The following NAA16 variants were observed in gnomAD, a reference collection of about 807,000 sequenced individuals.
NAA16 encodes N-alpha-acetyltransferase 16, NatA auxiliary subunit.
In NAA16, 97 loss-of-function variants were observed where a neutral mutation model predicts 110.3. The observed-to-expected ratio is 0.88, with a 90% CI of 0.75 to 1.04. The LOEUF is 1.04. Ranked by LOEUF, NAA16 falls within the 50% of genes least tolerant of loss-of-function variation. The pLI, the probability that NAA16 is intolerant of heterozygous loss-of-function variation, is 0.00. For missense variants in NAA16, 1,017 were observed against 1,005.1 expected, an observed-to-expected ratio of 1.01 and a Z score of -0.16; for synonymous variants, 372 against 330.6, an observed-to-expected ratio of 1.13 and a Z score of -1.36.
intron 10 of NAA16, among the ~76,000 whole-genome samples, chr13:41,356,072 T>A (rs755697534): frequency 6.6e-6 from 1 of 152,222 alleles, no homozygotes; most frequent in Non-Finnish European, 1.5e-5. Flanking sequence ...GCTGAACTTC[T>A]GGGCTCAAGT....
chr13:41,311,440 A>G lies in NAA16; in HGVS notation c.-89A>G. ...CATCGCCCGCAGCCCGACTCTCAGC[A>G]GCGGTTCGTCCCGGTGCCCACCCCC... is the stretch of plus-strand genomic sequence containing the variant. On this transcript the variant is annotated 5_prime_UTR_variant, in exon 1 of 20. Transcript: ENST00000379406. The G allele has an allele frequency of 7.9e-7, 1 of 1,271,734 alleles. No homozygotes were observed. Among genetic ancestry groups the G allele is most frequent in the Non-Finnish European group, 1.1e-6 (1 of 898,562 alleles). The allele number at this position is 1,271,734 out of a possible 1,614,324, so 78.8% of individuals were successfully genotyped here.
At chr13:41,373,567 T>G in intron 17 of NAA16, 70 bp from the exon 18 acceptor site, 1 of 1,480,242 alleles carries the variant, frequency 6.8e-7, no homozygotes, top group South Asian at 1.4e-5. Context: ...CATAAAGGGT[T>G]TTCAGTAGGT....
At chr13:41,320,428 CAG>C (rs1026212950) in intron 3 of NAA16, among the ~76,000 whole-genome samples, 39 of 152,202 alleles carry the variant, frequency 2.6e-4, no homozygotes, top group African/African-American at 8.9e-4. Flanking sequence ...GTAGAGAGAA[CAG>C]AATAATGACC....
chr13:41,345,348 A>G (rs1027632658), intron 9 of NAA16, among the ~76,000 whole-genome samples: 6 of 152,116 alleles, frequency 3.9e-5, no homozygotes, highest in African/African-American at 1.4e-4. Flanking sequence ...CCTCATTAAC[A>G]CTTGTTATTA....
At chr13:41,372,686 CTG>C (rs2043346071) in intron 16 of NAA16, 44 bp from the exon 17 acceptor site, 1 of 1,485,958 alleles carries the variant, frequency 6.7e-7, no homozygotes, top group African/African-American at 1.4e-5. Flanking sequence ...GAGGAAAATA[CTG>C]TGTAAGTATT....
At chr13:41,355,642 C>T (rs2042962710) in intron 10 of NAA16, among the ~76,000 whole-genome samples, 1 of 152,096 alleles carries the variant, frequency 6.6e-6, no homozygotes, top group Non-Finnish European at 1.5e-5. Flanking sequence ...GTTGGCCAGG[C>T]TGGTCTCGAA....
At chr13:41,356,323 T>C (rs1023920051) in intron 10 of NAA16, among the ~76,000 whole-genome samples, 84 of 152,328 alleles carry the variant, frequency 5.5e-4, no homozygotes, top group Admixed American at 1.7e-3. Context: ...TGCCACACCC[T>C]CTATGAGTTT....
intron 1 of NAA16, among the ~76,000 whole-genome samples, chr13:41,316,402 G>A (rs187507930): frequency 1.5e-4 from 22 of 151,166 alleles, no homozygotes; most frequent in Admixed American, 7.3e-4. Context: ...TGCCTCCTGC[G>A]TTCAAGCGAT....
At position 41,355,882 on chromosome 13, in the gene NAA16, C is replaced by G. The variant is rs142372349; in HGVS notation, c.1087+666C>G. 6.5e-4 allele frequency among the ~76,000 whole-genome samples: 99 copies of G among 152,294 alleles called. 1 individual carries two copies. The highest frequency in any genetic ancestry group is 2.1e-3 in the African/African-American group (87 of 41,576). ...TACTTTTAATCCTCTTTAGTTTGGT[C>G]CTTTGTTTCTATATTTGTAGGAGCA... On this transcript the variant is annotated intron_variant, in intron 10 of 19. Transcript: ENST00000379406.
rs2041922415 is a variant in NAA16 at position 41,320,673 on chromosome 13, A to G, written c.251A>G (p.His84Arg). ...RNDVKSHVCW[H>R]VYGLLQRSDK... ...TGTTTCCTTAACTTAATAGGTTGGC[A>G]TGTATATGGACTCTTGCAGCGTTCT... Residue 84 changes from histidine (H) to arginine (R), a missense_variant, in exon 4 of 20, where the codon CAT becomes CGT. Coordinates refer to ENST00000379406, the MANE Select transcript of NAA16 (RefSeq NM_024561.5). 3.7e-6 allele frequency: 6 copies of G among 1,602,402 alleles called. No homozygotes were observed. Among genetic ancestry groups the G allele is most frequent in the Non-Finnish European group, 5.1e-6 (6 of 1,176,052 alleles).
intron 13 of NAA16, among the ~76,000 whole-genome samples, chr13:41,367,074 CTG>C (rs1325342680): frequency 2.6e-5 from 4 of 152,118 alleles, no homozygotes; most frequent in Non-Finnish European, 5.9e-5. Context: ...ATTCAGAGCT[CTG>C]TTTAACTGTG....
chr13:41,313,235 A>G (rs1017085254), intron 1 of NAA16, among the ~76,000 whole-genome samples: 1 of 152,216 alleles, frequency 6.6e-6, no homozygotes, highest in African/African-American at 2.4e-5. Context: ...AAAAAAATCA[A>G]TTATTTTGAG....
At chr13:41,332,524 G>A (rs1226470018) in intron 8 of NAA16, among the ~76,000 whole-genome samples, 1 of 152,116 alleles carries the variant, frequency 6.6e-6, no homozygotes, top group African/African-American at 2.4e-5. Context: ...AGCTCTTCAG[G>A]TAGCTAATAT....
intron 2 of NAA16, 141 bp downstream of exon 2, chr13:41,317,071 C>CTAAG (rs1247015136): frequency 1.6e-6 from 1 of 616,538 alleles, no homozygotes; most frequent in East Asian, 2.8e-5. Flanking sequence ...TTTTTTAATG[C>CTAAG]TTTATATGAG....
At chr13:41,372,978 C>G in intron 17 of NAA16, 148 bp downstream of exon 17, 2 of 1,099,880 alleles carry the variant, frequency 1.8e-6, no homozygotes, top group Non-Finnish European at 2.3e-6. Context: ...TACAAATCCT[C>G]TGATCATGGC....
intron 1 of NAA16, among the ~76,000 whole-genome samples, chr13:41,313,247 TG>T (rs1377282434): frequency 6.6e-6 from 1 of 152,202 alleles, no homozygotes; most frequent in Non-Finnish European, 1.5e-5. Context: ...TATTTTGAGA[TG>T]GAAGTCTCGG....
chr13:41,324,652 G>T (rs868275484), intron 5 of NAA16, among the ~76,000 whole-genome samples: 3 of 150,898 alleles, frequency 2.0e-5, no homozygotes, highest in South Asian at 2.1e-4. Context: ...GGGATTACAG[G>T]TGTGAGCCAC....
Position 41,374,683 on chromosome 13 carries a change from T to C in NAA16, c.2300-59T>C, listed in dbSNP as rs7984702. 0.02 allele frequency: 22,680 copies of C among 1,120,084 alleles called. 3,097 individuals are homozygous for C. In the African/African-American group the frequency reaches 0.3, roughly 15 times the overall value. 69.4% of individuals were successfully genotyped at this position (1,120,084 alleles called of 1,614,324 possible). On this transcript the variant is annotated intron_variant, in intron 18 of 19. Coordinates refer to ENST00000379406, the MANE Select transcript of NAA16 (RefSeq NM_024561.5). ...ATATTTGAAGTCACTGGCCAGTTGATATCACATAAAATGTAAAGTATAGGT... is the reference window on the plus strand; with the variant it reads ...ATATTTGAAGTCACTGGCCAGTTGACATCACATAAAATGTAAAGTATAGGT...
At chr13:41,333,531 C>G (rs1231400447) in intron 8 of NAA16, among the ~76,000 whole-genome samples, 1 of 152,084 alleles carries the variant, frequency 6.6e-6, no homozygotes, top group Non-Finnish European at 1.5e-5. Flanking sequence ...CATATGTGGT[C>G]TTTAGTTTCT....
Sources: gnomAD v4.1 joint callset for allele counts (sites outside exome capture counted in the v4.1 genomes callset) on GRCh38, gnomAD v4.1.1 for gene constraint, MANE v1.5 for transcripts, NCBI Gene and HGNC (gene_info 2026-07-23, HGNC 2026-07-21) for gene names.